Variants in SLC38A12 observed in about 807,000 individuals in gnomAD.
SLC38A12 encodes solute carrier family 38 member 12.
At chr17:74,818,483 C>T in the SLC38A12 span, among the ~76,000 whole-genome samples, 22 of 152,060 alleles carry the variant, frequency 1.4e-4, 1 homozygote, top group East Asian at 4.1e-3. Flanking sequence ...GAGGTCACAG[C>T]TTCTCCCACA....
At chr17:74,791,017 C>T in the SLC38A12 span, 1 of 1,614,012 alleles carries the variant, frequency 6.2e-7, no homozygotes, top group South Asian at 1.1e-5. Context: ...GACAAATGGC[C>T]TCCATGTTCT....
At chr17:74,805,512 C>A in the SLC38A12 span, among the ~76,000 whole-genome samples, 1 of 152,226 alleles carries the variant, frequency 6.6e-6, no homozygotes, top group Non-Finnish European at 1.5e-5. The surrounding 1 kb of genome is among the most constrained non-coding windows in gnomAD (Gnocchi z 5.0). Context: ...ACTCTGACCC[C>A]CGACTAGGGA....
At chr17:74,820,644 G>T in the SLC38A12 span, among the ~76,000 whole-genome samples, 7 of 152,300 alleles carry the variant, frequency 4.6e-5, no homozygotes, top group East Asian at 3.9e-4. Flanking sequence ...TGAGAGAGGG[G>T]CCTGGACAGA....
chr17:74,810,544 G>C, the SLC38A12 span, among the ~76,000 whole-genome samples: 42 of 152,326 alleles, frequency 2.8e-4, no homozygotes, highest in East Asian at 7.5e-3. Context: ...CTCTGCACCA[G>C]GTACACAGTA....
At chr17:74,805,158 C>T in the SLC38A12 span, among the ~76,000 whole-genome samples, 12 of 152,216 alleles carry the variant, frequency 7.9e-5, no homozygotes, top group Admixed American at 2.0e-4. The surrounding 1 kb of genome is among the most constrained non-coding windows in gnomAD (Gnocchi z 5.0). Context: ...AAAGGTCTCC[C>T]GGGGAGAGGC....
At chr17:74,807,057 G>A in the SLC38A12 span, among the ~76,000 whole-genome samples, 17 of 152,186 alleles carry the variant, frequency 1.1e-4, no homozygotes, top group South Asian at 2.1e-4. Flanking sequence ...ACTCCCTCAC[G>A]TGGCATGGTC....
At chr17:74,825,177 C>T in the SLC38A12 span, among the ~76,000 whole-genome samples, 1 of 152,296 alleles carries the variant, frequency 6.6e-6, no homozygotes, top group East Asian at 1.9e-4. Flanking sequence ...CCTCATGTGC[C>T]AGCACCACGC....
At chr17:74,804,924 G>A in the SLC38A12 span, among the ~76,000 whole-genome samples, 1 of 152,220 alleles carries the variant, frequency 6.6e-6, no homozygotes, top group African/African-American at 2.4e-5. Context: ...CCTTTCCCCT[G>A]GATCAGGAAA....
At chr17:74,807,567 C>T in the SLC38A12 span, among the ~76,000 whole-genome samples, 5 of 152,306 alleles carry the variant, frequency 3.3e-5, no homozygotes, top group East Asian at 3.9e-4. Flanking sequence ...TCCCAGTGGG[C>T]GGGTCATCCT....
the SLC38A12 span, chr17:74,839,393 G>C: frequency 3.5e-5 from 14 of 398,820 alleles, no homozygotes; most frequent in East Asian, 6.5e-4. Context: ...GGCAGTGCCA[G>C]GCCTGGGGGA....
the SLC38A12 span, among the ~76,000 whole-genome samples, chr17:74,789,262 G>A: frequency 6.6e-6 from 1 of 152,142 alleles, no homozygotes. Flanking sequence ...CGGTGGGGGG[G>A]CTCACACCTG....
At chr17:74,819,081 GC>G in the SLC38A12 span, among the ~76,000 whole-genome samples, 4 of 152,230 alleles carry the variant, frequency 2.6e-5, no homozygotes, top group Non-Finnish European at 4.4e-5. Context: ...CCCATCCTCA[GC>G]CCAGAACTTC....
At chr17:74,810,851 G>A in the SLC38A12 span, among the ~76,000 whole-genome samples, 1 of 152,230 alleles carries the variant, frequency 6.6e-6, no homozygotes, top group Non-Finnish European at 1.5e-5. Flanking sequence ...TGTGACAGTG[G>A]TTCATGGGAT....
the SLC38A12 span, chr17:74,836,563 G>C: frequency 2.5e-6 from 4 of 1,613,346 alleles, no homozygotes; most frequent in Non-Finnish European, 3.4e-6. This position sits in a 1 kb window ranked among gnomAD's most constrained non-coding sequence, Gnocchi z 4.2. Context: ...TTTGGCTGTG[G>C]GGTCAGCAAC....
At chr17:74,804,957 C>G in the SLC38A12 span, among the ~76,000 whole-genome samples, 2 of 152,260 alleles carry the variant, frequency 1.3e-5, no homozygotes, top group African/African-American at 2.4e-5. Flanking sequence ...ATCTGGTTGC[C>G]TGACCACTGG....
At chr17:74,829,979 G>A in the SLC38A12 span, among the ~76,000 whole-genome samples, 1 of 152,162 alleles carries the variant, frequency 6.6e-6, no homozygotes, top group Non-Finnish European at 1.5e-5. This position sits in a 1 kb window ranked among gnomAD's most constrained non-coding sequence, Gnocchi z 4.1. Context: ...CAGCCCTTAT[G>A]TTGATGCCCA....
At chr17:74,838,558 G>A in the SLC38A12 span, 14 of 1,164,630 alleles carry the variant, frequency 1.2e-5, no homozygotes, top group Non-Finnish European at 1.5e-5. Context: ...CAGCCATGGA[G>A]TCGGTGGCCG....
At chr17:74,816,321 T>C in the SLC38A12 span, among the ~76,000 whole-genome samples, 2 of 152,158 alleles carry the variant, frequency 1.3e-5, no homozygotes, top group Non-Finnish European at 2.9e-5. Flanking sequence ...GAACCTCATG[T>C]AGAGAGCAAG....
At chr17:74,792,707 G>C in the SLC38A12 span, among the ~76,000 whole-genome samples, 1 of 152,234 alleles carries the variant, frequency 6.6e-6, no homozygotes, top group Non-Finnish European at 1.5e-5. Flanking sequence ...TGCTTTTTAG[G>C]ACGTTAAGCA....
Sources: gnomAD v4.1 joint callset for allele counts (sites outside exome capture counted in the v4.1 genomes callset) on GRCh38, gnomAD v4.1.1 for gene constraint, Gnocchi (gnomAD v3.1) non-coding constraint, MANE v1.5 for transcripts, NCBI Gene and HGNC (gene_info 2026-07-23, HGNC 2026-07-21) for gene names.